The following PAN3 variants were observed in gnomAD, a reference collection of about 807,000 sequenced individuals.
The protein encoded by PAN3 is PAN2-PAN3 deadenylation complex subunit PAN3.
PAN3 carries 19 observed loss-of-function variants against 96.2 expected under a neutral mutation model. That is an observed-to-expected ratio of 0.20 (90% CI 0.14 to 0.29). The LOEUF is 0.29. PAN3 is among the 10% of genes least tolerant of loss of function. PAN3 has a pLI of 1.00. For missense variants in PAN3, 882 were observed against 1,108.1 expected (o/e 0.80, Z 2.90); for synonymous variants, 433 against 406.6 (o/e 1.06, Z -0.78).
At chr13:28,275,979 TA>T (rs60161207) in intron 14 of PAN3, among the ~76,000 whole-genome samples, 8,602 of 152,280 alleles carry the variant, frequency 0.056, 312 homozygotes, top group South Asian at 0.15. Context: ...AACGTCTTTT[TA>T]CTCATTATTT....
In PAN3 at chr13:28,293,619, A is replaced by C. The variant is rs1244476854; in HGVS notation, c.*1097A>C. 6.6e-6 allele frequency: 1 copy of C among 152,480 alleles called. No individual in the cohort carries two copies. The highest frequency in any genetic ancestry group is 1.5e-5 in the Non-Finnish European group (1 of 68,012). 9.4% of individuals were successfully genotyped at this position (152,480 alleles called of 1,614,324 possible). A position where few individuals can be genotyped will look rare whatever the true frequency, so the allele number is the denominator to read the frequency against. On this transcript the variant is annotated 3_prime_UTR_variant, in exon 19 of 19. Coordinates refer to ENST00000380958, the MANE Select transcript of PAN3 (RefSeq NM_175854.8). Reference sequence around the variant, plus strand: ...TGCCTTTGCAGTCACTGCTTAGCCCAAAGTAATAGTACTTTTGATAATAAC... The same window carrying C: ...TGCCTTTGCAGTCACTGCTTAGCCCCAAGTAATAGTACTTTTGATAATAAC...
At chr13:28,291,023 A>G (rs1245223901) in intron 18 of PAN3, among the ~76,000 whole-genome samples, 1 of 152,184 alleles carries the variant, frequency 6.6e-6, no homozygotes, top group East Asian at 1.9e-4. Flanking sequence ...ATTCTGTTTC[A>G]CATCATGAAC....
chr13:28,187,765 T>G (rs1296512618), intron 4 of PAN3, among the ~76,000 whole-genome samples: 1 of 152,226 alleles, frequency 6.6e-6, no homozygotes, highest in Non-Finnish European at 1.5e-5. Context: ...TTGCCCTGTT[T>G]CCCAGGCTGG....
At chr13:28,282,055 C>T (rs1262355318) in intron 17 of PAN3, among the ~76,000 whole-genome samples, 1 of 152,196 alleles carries the variant, frequency 6.6e-6, no homozygotes, top group Non-Finnish European at 1.5e-5. Context: ...GGATTACAGG[C>T]ATGAGCCACC....
chr13:28,263,546 G>A (rs992868623), intron 9 of PAN3, among the ~76,000 whole-genome samples: 1 of 152,136 alleles, frequency 6.6e-6, no homozygotes, highest in Non-Finnish European at 1.5e-5. Context: ...GCTGAGGCTG[G>A]TCTTGAACTT....
At chr13:28,215,749 G>A in intron 5 of PAN3, 1 of 1,486,192 alleles carries the variant, frequency 6.7e-7, no homozygotes. Flanking sequence ...TGTGCTGAGA[G>A]CTTCTCAGAC....
At chr13:28,213,518 A>G (rs1880311702) in intron 5 of PAN3, among the ~76,000 whole-genome samples, 1 of 152,202 alleles carries the variant, frequency 6.6e-6, no homozygotes, top group South Asian at 2.1e-4. Flanking sequence ...GAGTGCATTT[A>G]TGCACTCAGA....
chr13:28,215,802 A>G (rs1338990312), intron 5 of PAN3: 3 of 1,386,018 alleles, frequency 2.2e-6, no homozygotes, highest in East Asian at 2.3e-5. Context: ...TGTGAGACAG[A>G]CAGTTGCTGT....
intron 4 of PAN3, among the ~76,000 whole-genome samples, chr13:28,183,229 A>C (rs1284037964): frequency 6.6e-6 from 1 of 152,214 alleles, no homozygotes; most frequent in Non-Finnish European, 1.5e-5. Flanking sequence ...TTGTAATCTA[A>C]ATTTAATCTG....
At chr13:28,238,345 AAC>A (rs1183853660) in intron 6 of PAN3, among the ~76,000 whole-genome samples, 19 of 152,244 alleles carry the variant, frequency 1.2e-4, no homozygotes, top group Non-Finnish European at 1.0e-4. Context: ...ATCCCCCTGA[AAC>A]CCCTTTTGAA....
chr13:28,166,435 A>G (rs1873547543), intron 1 of PAN3, among the ~76,000 whole-genome samples: 1 of 152,182 alleles, frequency 6.6e-6, no homozygotes, highest in African/African-American at 2.4e-5. Context: ...TGAAGGCTTC[A>G]GGGAACCACG....
intron 5 of PAN3, among the ~76,000 whole-genome samples, chr13:28,201,261 C>A (rs909620771): frequency 4.0e-5 from 6 of 150,488 alleles, no homozygotes; most frequent in African/African-American, 1.5e-4. Context: ...TCAGGCTGAT[C>A]TTGAACTCCT....
intron 1 of PAN3, among the ~76,000 whole-genome samples, chr13:28,157,604 T>C (rs1013167877): frequency 2.6e-5 from 4 of 152,122 alleles, no homozygotes; most frequent in Non-Finnish European, 4.4e-5. Context: ...GCAATCCTAT[T>C]CACAATAGCC....
chr13:28,169,162 A>T (rs550712716), intron 1 of PAN3, among the ~76,000 whole-genome samples: 4 of 151,170 alleles, frequency 2.6e-5, no homozygotes, highest in Non-Finnish European at 5.9e-5. Context: ...CATATCTTAC[A>T]CTTAAGTAAT....
In PAN3 at chr13:28,229,958, T is replaced by C. The variant is rs540805507; in HGVS notation, c.1000+9580T>C. Among the ~76,000 whole-genome samples, 5 of 152,304 alleles carry C rather than the reference T, an allele frequency of 3.3e-5. No individual in the cohort carries two copies. The East Asian group carries it at 9.6e-4, about 29-fold the overall frequency. The stretch of plus-strand genomic sequence containing the variant: ...AGAATGACTGCTCGATTTAGAACTT[T>C]TGTCATTCTTATCTCCTCTTTCCTC... On this transcript the variant is annotated intron_variant, in intron 6 of 18. Transcript: ENST00000380958.
intron 6 of PAN3, among the ~76,000 whole-genome samples, chr13:28,226,605 ATAAT>A (rs931121892): frequency 5.3e-5 from 8 of 152,066 alleles, no homozygotes; most frequent in African/African-American, 1.9e-4. Flanking sequence ...GTCTTGGAAA[ATAAT>A]TTTGTAATTG....
intron 4 of PAN3, among the ~76,000 whole-genome samples, chr13:28,189,436 A>C (rs1216603099): frequency 6.6e-6 from 1 of 152,090 alleles, no homozygotes; most frequent in Non-Finnish European, 1.5e-5. Flanking sequence ...GAATGGCTTG[A>C]ACCCAGGAAG....
At chr13:28,286,043 A>G (rs1385936022) in intron 17 of PAN3, among the ~76,000 whole-genome samples, 1 of 152,242 alleles carries the variant, frequency 6.6e-6, no homozygotes, top group Non-Finnish European at 1.5e-5. Context: ...TAAAAAGCCA[A>G]TGGGAAGCCT....
chr13:28,149,603 A>T (rs1871109849), intron 1 of PAN3, among the ~76,000 whole-genome samples: 1 of 152,010 alleles, frequency 6.6e-6, no homozygotes, highest in Non-Finnish European at 1.5e-5. Flanking sequence ...GTCGATCTAC[A>T]TTCATGTTTT....
Sources: allele counts gnomAD v4.1 joint callset (sites outside exome capture counted in the v4.1 genomes callset), GRCh38; gene constraint gnomAD v4.1.1; transcripts MANE v1.5; gene names NCBI Gene and HGNC (gene_info 2026-07-23, HGNC 2026-07-21).